TRPM1: variants seen among roughly 807,000 people sequenced by gnomAD.
TRPM1 encodes the protein transient receptor potential cation channel subfamily M member 1, also known as TRPM1-203 APA Isoform, Intron 10.
Under a neutral mutation model 149.4 loss-of-function variants are expected in TRPM1, and 113 were observed. That is an observed-to-expected ratio of 0.76 (90% CI 0.65 to 0.88). The LOEUF is 0.88. Ranked by LOEUF, TRPM1 falls within the 40% of genes least tolerant of loss-of-function variation. The pLI, the probability that TRPM1 is intolerant of heterozygous loss-of-function variation, is 0.00. For synonymous variants in TRPM1, 741 were observed against 759.5 expected (o/e 0.98, Z 0.40); for missense variants, 1,976 against 2,038.7 (o/e 0.97, Z 0.59).
intron 1 of TRPM1, among the ~76,000 whole-genome samples, chr15:31,153,396 C>T (rs1186725128): frequency 1.3e-5 from 2 of 152,206 alleles, no homozygotes; most frequent in Non-Finnish European, 2.9e-5. Flanking sequence ...GTGATCTTGG[C>T]TCACTGCAAC....
At chr15:31,154,115 C>T (rs1042158912) in intron 1 of TRPM1, among the ~76,000 whole-genome samples, 8 of 152,208 alleles carry the variant, frequency 5.3e-5, no homozygotes, top group African/African-American at 9.7e-5. Flanking sequence ...TGTCTGTCTA[C>T]GGAATTTAAC....
chr15:31,003,855 GT>G (rs1555415222), intron 27 of TRPM1, among the ~76,000 whole-genome samples: 21 of 145,186 alleles, frequency 1.4e-4, no homozygotes, highest in Admixed American at 2.7e-4. Context: ...CCTGCTATTA[GT>G]TTTTTTTTTT....
At chr15:31,148,685 A>T (rs2036254223) in intron 1 of TRPM1, among the ~76,000 whole-genome samples, 1 of 152,214 alleles carries the variant, frequency 6.6e-6, no homozygotes, top group Non-Finnish European at 1.5e-5. Context: ...TGTGCAGATA[A>T]GAACTCTCCT....
rs1027943166 is a variant in TRPM1 at position 31,065,241 on chromosome 15, C to T, written c.790+835G>A. ...AATGTATTCTTCGAGATCTGATTCT[C>T]GGAAATCTACAACTTTTCCTAGTAG... On this transcript the variant is annotated intron_variant, in intron 7 of 27. Coordinates refer to ENST00000256552, the MANE Select transcript of TRPM1 (RefSeq NM_001252024.2). 27 of 436,186 alleles carry T rather than the reference C, an allele frequency of 6.2e-5. 2 individuals carry two copies. The highest frequency in any genetic ancestry group is 4.2e-4 in the South Asian group (25 of 60,122). The allele number at this position is 436,186 out of a possible 1,614,324, so 27.0% of individuals were successfully genotyped here.
intron 1 of TRPM1, among the ~76,000 whole-genome samples, chr15:31,128,889 A>G (rs2141041220): frequency 6.6e-6 from 1 of 152,366 alleles, no homozygotes; most frequent in African/African-American, 2.4e-5. Flanking sequence ...CAAATTTTGT[A>G]GCTAATTCAG....
chr15:31,032,721 G>A lies in TRPM1; in HGVS notation c.2920C>T (p.Leu974=). The change falls in exon 22 of 28, where the codon CTG becomes TTG. Residue 974 remains leucine (L), a synonymous_variant. Coordinates refer to ENST00000256552, the MANE Select transcript of TRPM1 (RefSeq NM_001252024.2). ...CCAATCATCATCACGTATGGCCCCAGATACTTGTTGACACCAAAGATGTCC... is the reference window on the plus strand; with the variant it reads ...CCAATCATCATCACGTATGGCCCCAAATACTTGTTGACACCAAAGATGTCC... The part of the protein sequence containing the change: ...VLDIFGVNKY[L]GPYVMMIGKM... 3 of 1,614,152 alleles carry A rather than the reference G, an allele frequency of 1.9e-6. No individual in the cohort carries two copies. Among genetic ancestry groups the A allele is most frequent in the Non-Finnish European group, 1.7e-6 (2 of 1,180,028 alleles).
chr15:31,035,784 A>G (rs1410823781), intron 20 of TRPM1, 110 bp from the exon 21 acceptor site: 1 of 1,485,316 alleles, frequency 6.7e-7, no homozygotes, highest in East Asian at 2.3e-5. Context: ...TTTGTTTCCA[A>G]CTGGACTGAC....
chr15:31,045,514 A>T (rs2033737847), intron 16 of TRPM1, among the ~76,000 whole-genome samples: 1 of 152,076 alleles, frequency 6.6e-6, no homozygotes, highest in Non-Finnish European at 1.5e-5. Context: ...TTTCCAGAAC[A>T]CTTTTGGGGA....
intron 1 of TRPM1, among the ~76,000 whole-genome samples, chr15:31,114,816 G>T (rs1207141278): frequency 6.6e-6 from 1 of 152,160 alleles, no homozygotes; most frequent in Non-Finnish European, 1.5e-5. Flanking sequence ...TTAACAAAGA[G>T]CTTTCTTCAG....
At chr15:31,138,536 T>C (rs1311288242) in intron 1 of TRPM1, among the ~76,000 whole-genome samples, 1 of 148,922 alleles carries the variant, frequency 6.7e-6, no homozygotes, top group Non-Finnish European at 1.5e-5. Context: ...CGAAGTCAGT[T>C]GTCTAATTAA....
chr15:31,038,934 C>G (rs1401251414), intron 18 of TRPM1, among the ~76,000 whole-genome samples: 1 of 150,802 alleles, frequency 6.6e-6, no homozygotes, highest in African/African-American at 2.4e-5. Context: ...TGGGCTCGGC[C>G]TAGACAACAA....
chr15:31,047,710 G>A (rs965281348), intron 14 of TRPM1, among the ~76,000 whole-genome samples, 179 bp downstream of exon 14: 1 of 152,180 alleles, frequency 6.6e-6, no homozygotes, highest in African/African-American at 2.4e-5. Flanking sequence ...GGATGAACAT[G>A]CAACTTAAAA....
At chr15:31,016,562 T>C (rs374440835) in intron 27 of TRPM1, among the ~76,000 whole-genome samples, 3 of 152,224 alleles carry the variant, frequency 2.0e-5, no homozygotes, top group East Asian at 3.8e-4. Flanking sequence ...GAAAAGGTCA[T>C]TAATGAGGCC....
chr15:31,072,010 T>G (rs1459230581), intron 3 of TRPM1, among the ~76,000 whole-genome samples: 473 of 29,914 alleles, frequency 0.016, no homozygotes, highest in East Asian at 0.035. Context: ...TATATATATA[T>G]ATATATATAG....
At chr15:31,115,030 G>A (rs557626695) in intron 1 of TRPM1, among the ~76,000 whole-genome samples, 52 of 152,264 alleles carry the variant, frequency 3.4e-4, no homozygotes, top group African/African-American at 1.1e-3. Context: ...CAAGGCAGGC[G>A]GATCACCTGA....
chr15:31,127,796 G>C (rs2035969907), intron 1 of TRPM1, among the ~76,000 whole-genome samples: 1 of 152,204 alleles, frequency 6.6e-6, no homozygotes, highest in Non-Finnish European at 1.5e-5. Flanking sequence ...AGGGCAGCCA[G>C]GGAGCCCCAG....
intron 1 of TRPM1, among the ~76,000 whole-genome samples, chr15:31,091,705 C>T (rs2035245515): frequency 6.6e-6 from 1 of 152,180 alleles, no homozygotes; most frequent in Admixed American, 6.5e-5. Context: ...TGGGGCTGTC[C>T]TGACCCAGTG....
chr15:31,048,275 A>G (rs2033840138), intron 13 of TRPM1, among the ~76,000 whole-genome samples: 2 of 152,294 alleles, frequency 1.3e-5, no homozygotes, highest in Admixed American at 6.5e-5. Flanking sequence ...GAATAAATAA[A>G]TAAATAAATA....
chr15:31,105,644 C>A (rs1417807208), upstream of TRPM1, among the ~76,000 whole-genome samples: 2 of 152,178 alleles, frequency 1.3e-5, no homozygotes, highest in South Asian at 4.1e-4. Context: ...TTTGCTTTAT[C>A]CTGAATATAG....
Sources: allele counts gnomAD v4.1 joint callset (sites outside exome capture counted in the v4.1 genomes callset), GRCh38; gene constraint gnomAD v4.1.1; transcripts MANE v1.5; gene names NCBI Gene and HGNC (gene_info 2026-07-23, HGNC 2026-07-21).